Variants in COP1 observed in about 807,000 individuals in gnomAD.
COP1 encodes the protein E3 ubiquitin-protein ligase COP1.
In COP1, 24 loss-of-function variants were observed where a neutral mutation model predicts 101.3. That is an observed-to-expected ratio of 0.24 (90% CI 0.17 to 0.33). The LOEUF is 0.33. COP1 is among the 10% of genes least tolerant of loss of function. COP1 has a pLI of 1.00. For missense variants in COP1, 663 were observed against 906.2 expected (o/e 0.73, Z 3.45); for synonymous variants, 347 against 341.9 (o/e 1.01, Z -0.17).
At chr1:176,152,506 A>G (rs1367857761) in intron 5 of COP1, among the ~76,000 whole-genome samples, 1 of 151,756 alleles carries the variant, frequency 6.6e-6, no homozygotes, top group Non-Finnish European at 1.5e-5. Flanking sequence ...GGAGTACAGT[A>G]GCACGATCTC....
intron 2 of COP1, among the ~76,000 whole-genome samples, chr1:176,178,497 A>C (rs564562950): frequency 9.1e-4 from 139 of 152,156 alleles, no homozygotes; most frequent in African/African-American, 3.3e-3. Context: ...TCTCAAAAAA[A>C]CAAAAAATCA....
chr1:175,965,888 C>T (rs1344158147), intron 18 of COP1, among the ~76,000 whole-genome samples: 1 of 152,130 alleles, frequency 6.6e-6, no homozygotes, highest in African/African-American at 2.4e-5. Flanking sequence ...AGCCACTTAT[C>T]TGGGTTTGAT....
At chr1:176,162,780 C>T (rs1694532632) in intron 5 of COP1, 89 bp downstream of exon 5, 1 of 1,107,598 alleles carries the variant, frequency 9.0e-7, no homozygotes, top group Non-Finnish European at 1.3e-6. Context: ...ATTAGTGAAG[C>T]TATCCTATTA....
intron 14 of COP1, among the ~76,000 whole-genome samples, chr1:176,038,946 A>G (rs193130830): frequency 2.1e-4 from 32 of 152,326 alleles, no homozygotes; most frequent in Non-Finnish European, 1.2e-4. Flanking sequence ...TGAAACAGCT[A>G]AACTGAATGG....
intron 14 of COP1, among the ~76,000 whole-genome samples, chr1:176,041,133 A>T (rs1345205686): frequency 6.6e-6 from 1 of 152,212 alleles, no homozygotes; most frequent in Admixed American, 6.5e-5. Context: ...GAAATTAAAT[A>T]CAATGCAGCA....
chr1:176,207,241 AGCCAACCCCGGCG>A lies in COP1; in HGVS notation c.-276_-264del, dbSNP rs931506581. 7.5e-6 allele frequency: 3 copies of A among 397,490 alleles called. No individual in the cohort carries two copies. Among genetic ancestry groups the A allele is most frequent in the Non-Finnish European group, 1.3e-5 (3 of 225,684 alleles). 24.6% of individuals were successfully genotyped at this position (397,490 alleles called of 1,614,324 possible). On this transcript the variant is annotated 5_prime_UTR_variant, in exon 1 of 20. Transcript: ENST00000367669. Reference sequence around the variant, plus strand: ...CCGCCGCCACCGCGGTCCCTGTAGCAGCCAACCCCGGCGCGCCGTGGCCGGCCGTGCGCGCGCG... The same window carrying A: ...CCGCCGCCACCGCGGTCCCTGTAGCACGCCGTGGCCGGCCGTGCGCGCGCG...
At chr1:176,113,843 C>G (rs1183357367) in intron 9 of COP1, among the ~76,000 whole-genome samples, 3 of 151,528 alleles carry the variant, frequency 2.0e-5, no homozygotes, top group East Asian at 3.9e-4. Context: ...AATTCAGTAA[C>G]TTATGTAATG....
At chr1:176,122,627 C>T (rs7514517) in intron 8 of COP1, among the ~76,000 whole-genome samples, 60,116 of 151,986 alleles carry the variant, frequency 0.4, 12,109 homozygotes, top group Middle Eastern at 0.45. Flanking sequence ...TCCCCAGCAC[C>T]TCTTGTCTTC....
intron 6 of COP1, among the ~76,000 whole-genome samples, chr1:176,137,680 A>C (rs998260875): frequency 2.0e-5 from 3 of 152,192 alleles, no homozygotes; most frequent in Non-Finnish European, 4.4e-5. Context: ...TCATGCTTTT[A>C]ACTACTATTC....
intron 18 of COP1, among the ~76,000 whole-genome samples, chr1:175,972,749 A>G (rs1052807847): frequency 1.3e-5 from 2 of 152,036 alleles, no homozygotes; most frequent in Non-Finnish European, 2.9e-5. Context: ...TACAGGTGTA[A>G]GCCACTGCTC....
At chr1:176,171,124 CAAAAA>C (rs1174700907) in intron 3 of COP1, among the ~76,000 whole-genome samples, 10 of 56,836 alleles carry the variant, frequency 1.8e-4, no homozygotes, top group Middle Eastern at 0.013. Flanking sequence ...GACTCCATCT[CAAAAA>C]AAAAAAAAAA....
intron 2 of COP1, among the ~76,000 whole-genome samples, chr1:176,177,294 A>C (rs1171338481): frequency 6.7e-6 from 1 of 149,786 alleles, no homozygotes; most frequent in East Asian, 1.9e-4. Flanking sequence ...AACACTCCTT[A>C]AGTATTTTTC....
intron 3 of COP1, among the ~76,000 whole-genome samples, chr1:176,172,794 T>C (rs1696283910): frequency 6.6e-6 from 1 of 152,110 alleles, no homozygotes; most frequent in African/African-American, 2.4e-5. Flanking sequence ...GATCGACATA[T>C]CTCAATGACA....
In COP1 at chr1:175,974,922, CAA is replaced by C. The variant is rs34306335; in HGVS notation, c.2133+12019_2133+12020del. 5.4e-3 allele frequency among the ~76,000 whole-genome samples: 493 copies of C among 91,256 alleles called. 3 individuals carry two copies. The East Asian group carries it at 0.067, about 12-fold the overall frequency. The allele number at this position is 91,256 out of a possible 152,430, so 59.9% of individuals were successfully genotyped here. On this transcript the variant is annotated intron_variant, in intron 18 of 19. Coordinates refer to ENST00000367669, the MANE Select transcript of COP1 (RefSeq NM_022457.7). ...TAGGTGACAGACCAAGACCCTGTCTCAAAAAAAAAAAAAAAAAAAACCCACAA... is the reference window on the plus strand; with the variant it reads ...TAGGTGACAGACCAAGACCCTGTCTCAAAAAAAAAAAAAAAAAACCCACAA...
At chr1:176,133,615 C>T (rs1264270124) in intron 8 of COP1, among the ~76,000 whole-genome samples, 1 of 151,910 alleles carries the variant, frequency 6.6e-6, no homozygotes, top group Non-Finnish European at 1.5e-5. Flanking sequence ...CTAGAATAGT[C>T]CCTAGCACAT....
chr1:176,133,188 G>A (rs539214671), intron 8 of COP1, among the ~76,000 whole-genome samples: 14 of 129,922 alleles, frequency 1.1e-4, no homozygotes, highest in African/African-American at 3.0e-4. Flanking sequence ...ACGTATATAC[G>A]TACGTATATG....
chr1:176,139,275 A>G (rs113270766), intron 6 of COP1, among the ~76,000 whole-genome samples: 8,288 of 142,296 alleles, frequency 0.058, 531 homozygotes, highest in African/African-American at 0.16. Context: ...TGAAAAAACA[A>G]AAACAAAAAA....
At chr1:176,050,967 G>T (rs894583326) in intron 11 of COP1, among the ~76,000 whole-genome samples, 11 of 151,990 alleles carry the variant, frequency 7.2e-5, no homozygotes, top group African/African-American at 2.2e-4. Flanking sequence ...GGCAAAATAA[G>T]AATAATAACA....
chr1:175,947,331 T>C, intron 18 of COP1, 92 bp from the exon 19 acceptor site: 1 of 855,240 alleles, frequency 1.2e-6, no homozygotes, highest in East Asian at 2.4e-5. Context: ...CTTTCTTCAC[T>C]TCAATTCCTA....
Sources: allele counts gnomAD v4.1 joint callset (sites outside exome capture counted in the v4.1 genomes callset), GRCh38; gene constraint gnomAD v4.1.1; transcripts MANE v1.5; gene names NCBI Gene and HGNC (gene_info 2026-07-23, HGNC 2026-07-21).